Variants in HEATR5A observed in about 807,000 individuals in gnomAD.
HEATR5A encodes HEAT repeat containing 5A.
A neutral mutation model predicts 218.8 loss-of-function variants in HEATR5A; 178 were observed. The ratio of observed to expected loss-of-function variants is 0.81; its 90% CI spans 0.72 to 0.92. HEATR5A has a LOEUF of 0.92. Ranked by LOEUF, HEATR5A falls within the 40% of genes least tolerant of loss-of-function variation. The probability of loss-of-function intolerance (pLI) is 0.00; values close to 1 mark genes in which losing one functional copy is unlikely to be tolerated. For synonymous variants in HEATR5A, 864 were observed against 871.6 expected (o/e 0.99, Z 0.15); for missense variants, 2,420 against 2,418.9 (o/e 1.00, Z -0.01).
Position 31,400,507 on chromosome 14 carries a change from A to G in HEATR5A, c.132T>C (p.Asp44=). ...CAAGAGTCTTCTGTTTCTCCCTTAC[A>G]TCATTCTAGAAAGAAAGATAACACA... ...EKLLLATSRN[D]VREKQKTLVE... is the part of the protein sequence containing the mutation. The change falls in exon 3 of 36, where the codon GAT becomes GAC. Residue 44 remains aspartate (D), a synonymous_variant. Coordinates refer to ENST00000543095, the MANE Select transcript of HEATR5A (RefSeq NM_015473.4). The G allele has an allele frequency of 6.5e-7, 1 of 1,527,680 alleles. No individual in the cohort carries two copies. The highest frequency in any genetic ancestry group is 8.8e-7 in the Non-Finnish European group (1 of 1,140,726). The allele number at this position is 1,527,680 out of a possible 1,614,324, so 94.6% of individuals were successfully genotyped here.
Position 31,323,818 on chromosome 14 carries a change from A to T in HEATR5A, c.3548-14T>A. 1 of 1,519,206 alleles carries T rather than the reference A, an allele frequency of 6.6e-7. No individual in the cohort carries two copies. The highest frequency in any genetic ancestry group is 9.1e-7 in the Non-Finnish European group (1 of 1,101,674). The allele number at this position is 1,519,206 out of a possible 1,614,324, so 94.1% of individuals were successfully genotyped here. ...CAGCTGTAAAATCTTTTATTAAAGG[A>T]GAACATATGTAATTATAATCAACTG... On this transcript the variant is annotated splice_polypyrimidine_tract_variant and intron_variant, in intron 23 of 35. Transcript: ENST00000543095.
At chr14:31,377,737 C>T (rs753457969) in intron 11 of HEATR5A, among the ~76,000 whole-genome samples, 33 of 151,896 alleles carry the variant, frequency 2.2e-4, no homozygotes, top group Middle Eastern at 3.4e-3. Context: ...CATGATCGTA[C>T]CACTGCACTC....
chr14:31,407,198 A>T (rs2031100789), intron 1 of HEATR5A, among the ~76,000 whole-genome samples: 1 of 152,124 alleles, frequency 6.6e-6, no homozygotes, highest in Non-Finnish European at 1.5e-5. Context: ...GGCTGAGGTA[A>T]GAAGATCACT....
At chr14:31,385,275 C>T (rs2030168504) in intron 9 of HEATR5A, among the ~76,000 whole-genome samples, 1 of 152,122 alleles carries the variant, frequency 6.6e-6, no homozygotes. Flanking sequence ...ACTACAAGTG[C>T]ACACCACCAT....
At chr14:31,354,512 T>G (rs1901350697) in intron 16 of HEATR5A, among the ~76,000 whole-genome samples, 1 of 152,142 alleles carries the variant, frequency 6.6e-6, no homozygotes, top group Admixed American at 6.6e-5. Flanking sequence ...CCTATAGAGA[T>G]CTCAACAAAA....
chr14:31,402,421 G>A (rs1270320454), intron 2 of HEATR5A, among the ~76,000 whole-genome samples: 1 of 152,112 alleles, frequency 6.6e-6, no homozygotes, highest in Non-Finnish European at 1.5e-5. Flanking sequence ...TTTGAAGAGG[G>A]AATCTGTTTA....
At chr14:31,412,423 T>C (rs1450230574) in intron 1 of HEATR5A, among the ~76,000 whole-genome samples, 2 of 150,346 alleles carry the variant, frequency 1.3e-5, no homozygotes, top group African/African-American at 4.9e-5. Context: ...TGAAACCCCA[T>C]CTCTACTAAA....
At chr14:31,386,716 T>C in intron 8 of HEATR5A, 141 bp from the exon 9 acceptor site, 1 of 676,210 alleles carries the variant, frequency 1.5e-6, no homozygotes, top group African/African-American at 1.8e-5. Flanking sequence ...ATAACTAAAA[T>C]GCTTAAATGG....
chr14:31,340,539 T>C (rs1268803514), intron 21 of HEATR5A: 1 of 996,272 alleles, frequency 1.0e-6, no homozygotes, highest in South Asian at 1.4e-5. Context: ...TAGGATGACT[T>C]TGACAACAGT....
At chr14:31,348,176 A>G (rs1333553725) in intron 18 of HEATR5A, among the ~76,000 whole-genome samples, 1 of 152,240 alleles carries the variant, frequency 6.6e-6, no homozygotes, top group Non-Finnish European at 1.5e-5. Context: ...TACATGAAGA[A>G]GGTTTTTAAG....
intron 23 of HEATR5A, among the ~76,000 whole-genome samples, chr14:31,324,675 T>C (rs949452685): frequency 2.4e-4 from 30 of 122,988 alleles, no homozygotes; most frequent in African/African-American, 7.9e-4. Context: ...TATGCACACA[T>C]GTATTTTCTT....
chr14:31,407,584 TTATATATATATATATATATATA>T (rs1039144242), intron 1 of HEATR5A, among the ~76,000 whole-genome samples: 5 of 1,338 alleles, frequency 3.7e-3, no homozygotes, highest in African/African-American at 4.8e-3. Context: ...CTTATTTTAT[TTATATATATATATATATATATA>T]TATATATATA....
At chr14:31,406,136 A>G (rs531947939) in intron 1 of HEATR5A, among the ~76,000 whole-genome samples, 1 of 152,300 alleles carries the variant, frequency 6.6e-6, no homozygotes, top group South Asian at 2.1e-4. Context: ...ATGAATACAA[A>G]TTCAGTCAAT....
chr14:31,387,436 A>T, intron 7 of HEATR5A, 61 bp from the exon 8 acceptor site: 1 of 1,172,170 alleles, frequency 8.5e-7, no homozygotes, highest in Non-Finnish European at 1.2e-6. Flanking sequence ...ATTCTCCCCC[A>T]CAAAACATGT....
intron 21 of HEATR5A, among the ~76,000 whole-genome samples, chr14:31,342,048 C>G (rs993288317): frequency 4.6e-5 from 7 of 152,032 alleles, no homozygotes; most frequent in Non-Finnish European, 1.0e-4. Flanking sequence ...TAAAAAAATA[C>G]AGGAACAAAA....
At chr14:31,334,357 G>A in intron 22 of HEATR5A, 1 of 453,718 alleles carries the variant, frequency 2.2e-6, no homozygotes, top group Non-Finnish European at 4.4e-6. Context: ...GCCACAGACG[G>A]ATGGATCCAG....
At chr14:31,397,580 G>A (rs941379167) in intron 4 of HEATR5A, among the ~76,000 whole-genome samples, 2 of 151,106 alleles carry the variant, frequency 1.3e-5, no homozygotes, top group Admixed American at 6.6e-5. Context: ...AATTGCTGGA[G>A]CCCAGGAGGC....
chr14:31,312,947 C>T (rs969845782), intron 28 of HEATR5A, 21 bp downstream of exon 28: 11 of 1,535,924 alleles, frequency 7.2e-6, no homozygotes, highest in African/African-American at 1.4e-5. Context: ...TAGGAATTAT[C>T]TAAGTATTTT....
chr14:31,340,214 T>C (rs1377891442), intron 21 of HEATR5A, among the ~76,000 whole-genome samples: 2 of 152,126 alleles, frequency 1.3e-5, no homozygotes, highest in Non-Finnish European at 2.9e-5. Context: ...TAAATAAAAA[T>C]GAGACCAAAT....
Sources: allele counts gnomAD v4.1 joint callset (sites outside exome capture counted in the v4.1 genomes callset), GRCh38; gene constraint gnomAD v4.1.1; transcripts MANE v1.5; gene names NCBI Gene and HGNC (gene_info 2026-07-23, HGNC 2026-07-21).